POLR2F: variants seen among roughly 807,000 people sequenced by gnomAD.
The protein encoded by POLR2F is DNA-directed RNA polymerases I, II, and III subunit RPABC2.
In POLR2F, 12 loss-of-function variants were observed where a neutral mutation model predicts 22.7. The ratio of observed to expected loss-of-function variants is 0.53; its 90% CI spans 0.34 to 0.86. POLR2F has a LOEUF of 0.86. POLR2F is among the 40% of genes least tolerant of loss of function. The probability of loss-of-function intolerance (pLI) is 0.02; values close to 1 mark genes in which losing one functional copy is unlikely to be tolerated. For missense variants in POLR2F, 126 were observed against 171.5 expected, an observed-to-expected ratio of 0.73 and a Z score of 1.48; for synonymous variants, 57 against 66.0, an observed-to-expected ratio of 0.86 and a Z score of 0.66.
chr22:37,967,911 TAAG>T lies in POLR2F; in HGVS notation c.*200_*202del. 1 of 1,310,310 alleles carries T rather than the reference TAAG, an allele frequency of 7.6e-7. No individual in the cohort carries two copies. Among genetic ancestry groups the T allele is most frequent in the African/African-American group, 1.5e-5 (1 of 65,800 alleles). The allele number at this position is 1,310,310 out of a possible 1,614,324, so 81.2% of individuals were successfully genotyped here. On this transcript the variant is annotated 3_prime_UTR_variant, in exon 5 of 5. Transcript: ENST00000442738. ...AGTGGCCCTGTGACTGTCAGCTCCT[TAAG>T]AAGCACCAGGGGCCCTTAGCCCCTT...
Position 38,037,439 on chromosome 22 carries a change from A to ATTTTTTTTTTT in POLR2F, c.453-3623_453-3613dup, listed in dbSNP as rs10624395. 1.6e-3 allele frequency among the ~76,000 whole-genome samples: 198 copies of ATTTTTTTTTTT among 124,178 alleles called. 4 individuals carry two copies. The highest frequency in any genetic ancestry group is 5.7e-3 in the African/African-American group (176 of 30,974). The allele number at this position is 124,178 out of a possible 152,430, so 81.5% of individuals were successfully genotyped here. On this transcript the variant is annotated intron_variant, in intron 5 of 5. Transcript: ENST00000407936. ...CAGGTGCACACCACCATGCTCGGCT[A>ATTTTTTTTTTT]TTTTTTTTTTTTTTTTGTAGAGATG...
chr22:38,014,499 C>T (rs1421949088), intron 1 of POLR2F, among the ~76,000 whole-genome samples: 1 of 151,064 alleles, frequency 6.6e-6, no homozygotes. Context: ...TACAGGCGCC[C>T]ACCACCACGC....
Position 37,968,396 on chromosome 22 carries a change from G to C in POLR2F, c.*681G>C. 5 of 985,712 alleles carry C rather than the reference G, an allele frequency of 5.1e-6. No individual in the cohort carries two copies. The highest frequency in any genetic ancestry group is 6.0e-6 in the Non-Finnish European group (5 of 830,084). 61.1% of individuals were successfully genotyped at this position (985,712 alleles called of 1,614,324 possible). On this transcript the variant is annotated 3_prime_UTR_variant, in exon 5 of 5. Transcript: ENST00000442738. The stretch of plus-strand genomic sequence containing the variant: ...GCTGTCCTCTGTGGCCCACCTCTTT[G>C]GTGTGCCACACCCATGCCTTCTTCC...
intron 3 of POLR2F, among the ~76,000 whole-genome samples, chr22:37,962,604 G>C (rs1376290102): frequency 6.6e-6 from 1 of 152,182 alleles, no homozygotes; most frequent in African/African-American, 2.4e-5. Context: ...TGAACTGTAT[G>C]TGTCCATTTA....
At chr22:37,972,275 G>C (rs1037232601), downstream of POLR2F, 4 of 1,299,250 alleles carry the variant, frequency 3.1e-6, no homozygotes, top group African/African-American at 4.6e-5. Context: ...AGGGATAAGA[G>C]ATGAAGAGAC....
chr22:38,023,896 C>T (rs371092598), intron 1 of POLR2F, among the ~76,000 whole-genome samples: 3 of 144,180 alleles, frequency 2.1e-5, no homozygotes, highest in African/African-American at 7.8e-5. Flanking sequence ...GGCTGGAGTG[C>T]AATGGCATGA....
intron 2 of POLR2F, among the ~76,000 whole-genome samples, chr22:37,958,084 G>T (rs376085738): frequency 2.6e-5 from 4 of 151,918 alleles, no homozygotes; most frequent in African/African-American, 9.7e-5. Flanking sequence ...TGGTCATAGC[G>T]CACTACAGCC....
At chr22:37,965,485 A>G (rs1438124197) in intron 3 of POLR2F, among the ~76,000 whole-genome samples, 1 of 152,260 alleles carries the variant, frequency 6.6e-6, no homozygotes, top group Non-Finnish European at 1.5e-5. Flanking sequence ...TGCACATTCC[A>G]TGTGCATAAT....
intron 1 of POLR2F, chr22:38,025,693 A>G (rs763288017): frequency 1.9e-6 from 3 of 1,538,942 alleles, no homozygotes; most frequent in African/African-American, 2.8e-5. Context: ...TGCTGGGTGG[A>G]TATCATCACC....
chr22:37,966,185 C>A (rs1393938184), intron 3 of POLR2F, among the ~76,000 whole-genome samples: 1 of 152,186 alleles, frequency 6.6e-6, no homozygotes, highest in African/African-American at 2.4e-5. Context: ...GAACCTCTCG[C>A]AGGTTTTTAG....
At chr22:37,974,264 C>T (rs1444622688), downstream of POLR2F, 16 of 1,249,100 alleles carry the variant, frequency 1.3e-5, no homozygotes, top group Middle Eastern at 2.5e-4. The surrounding 1 kb of genome is among the most constrained non-coding windows in gnomAD (Gnocchi z 5.4). Flanking sequence ...GGTGGGCGCA[C>T]GTGAACTTCC....
At position 38,010,602 on chromosome 22, in the gene POLR2F, G is replaced by GGTTTTTTTT. The variant is rs1382349551; in HGVS notation, c.121-15267_121-15266insGTTTTTTTT. 6.6e-4 allele frequency among the ~76,000 whole-genome samples: 40 copies of GGTTTTTTTT among 60,898 alleles called. 1 individual carries two copies. Among genetic ancestry groups the GGTTTTTTTT allele is most frequent in the African/African-American group, 2.7e-3 (38 of 13,884 alleles). The allele number at this position is 60,898 out of a possible 152,430, so 40.0% of individuals were successfully genotyped here. Reference sequence around the variant, plus strand: ...TAAATATGTAGTAATAATTCCTTGTGTTTTTTTTTTTTTTTTTTTTTTTTT... The same window carrying GGTTTTTTTT: ...TAAATATGTAGTAATAATTCCTTGTGGTTTTTTTTTTTTTTTTTTTTTTTTTTTTTTTTT... On this transcript the variant is annotated intron_variant, in intron 1 of 2. Transcript: ENST00000333418.
intron 1 of POLR2F, among the ~76,000 whole-genome samples, chr22:37,989,217 T>C (rs1203191980): frequency 1.3e-5 from 2 of 152,166 alleles, no homozygotes; most frequent in Non-Finnish European, 2.9e-5. Context: ...ATATGTACGA[T>C]GTTGATAATC....
Position 37,980,158 on chromosome 22 carries a change from G to A in POLR2F, c.293+12988G>A, listed in dbSNP as rs1380260739. On this transcript the variant is annotated intron_variant, in intron 4 of 4. Transcript: ENST00000405557. The surrounding 1 kb of genome is among the most constrained non-coding windows in gnomAD (Gnocchi z 4.1). ...CACTTAGGACAAAGATGCCGGAGCAGGGCCTTGAGAGTCAGGGAGTGGGAT... is the reference window on the plus strand; with the variant it reads ...CACTTAGGACAAAGATGCCGGAGCAAGGCCTTGAGAGTCAGGGAGTGGGAT... Among the ~76,000 whole-genome samples the A allele has an allele frequency of 3.3e-5, 5 of 152,146 alleles. No homozygotes were observed. The highest frequency in any genetic ancestry group is 7.4e-5 in the Non-Finnish European group (5 of 68,022).
chr22:37,973,733 T>C (rs1393362858), downstream of POLR2F: 2 of 1,603,238 alleles, frequency 1.2e-6, no homozygotes, highest in South Asian at 1.1e-5. Context: ...GGCTGAGCCA[T>C]AGTGGGGCAG....
chr22:38,026,711 G>A, downstream of POLR2F: 1 of 198,714 alleles, frequency 5.0e-6, no homozygotes, highest in South Asian at 9.0e-5. Flanking sequence ...TTTAAAGGCG[G>A]AGAACAAAGA....
chr22:37,967,561 T>C, intron 4 of POLR2F, 64 bp from the exon 5 acceptor site: 1 of 1,595,282 alleles, frequency 6.3e-7, no homozygotes, highest in Non-Finnish European at 8.5e-7. Flanking sequence ...ACACAATCTG[T>C]TCCTTCTGCG....
At chr22:37,989,200 C>T (rs746935671) in intron 1 of POLR2F, among the ~76,000 whole-genome samples, 1 of 152,164 alleles carries the variant, frequency 6.6e-6, no homozygotes, top group Non-Finnish European at 1.5e-5. Flanking sequence ...CAGGACTCGG[C>T]TTTTGCATAT....
chr22:37,988,464 A>C (rs1327716358), intron 1 of POLR2F: 1 of 151,624 alleles, frequency 6.6e-6, no homozygotes. Context: ...CAGCCTGGCC[A>C]ACATGGTGAA....
Sources: gnomAD v4.1 joint callset for allele counts (sites outside exome capture counted in the v4.1 genomes callset) on GRCh38, gnomAD v4.1.1 for gene constraint, Gnocchi (gnomAD v3.1) non-coding constraint, MANE v1.5 for transcripts, NCBI Gene and HGNC (gene_info 2026-07-23, HGNC 2026-07-21) for gene names.